IFIH1: variants seen among roughly 807,000 people sequenced by gnomAD.
The protein encoded by IFIH1 is interferon-induced helicase C domain-containing protein 1.
In IFIH1, 125 loss-of-function variants were observed where a neutral mutation model predicts 107.4. The observed-to-expected ratio is 1.16, with a 90% CI of 1.01 to 1.35. The LOEUF is 1.35. Among genes scored for constraint, IFIH1 ranks in the 40% most tolerant of loss-of-function variants. IFIH1 has a pLI of 0.00. For missense variants in IFIH1, 1,333 were observed against 1,213.7 expected (o/e 1.10, Z -1.46); for synonymous variants, 458 against 413.2 (o/e 1.11, Z -1.31).
intron 1 of IFIH1, among the ~76,000 whole-genome samples, chr2:162,313,094 T>A (rs1683408075): frequency 6.6e-6 from 1 of 152,212 alleles, no homozygotes; most frequent in South Asian, 2.1e-4. Flanking sequence ...TCTTACAATT[T>A]GAATGTGGAA....
intron 3 of IFIH1, among the ~76,000 whole-genome samples, chr2:162,298,768 A>C (rs573105937): frequency 6.6e-6 from 1 of 151,384 alleles, no homozygotes; most frequent in Non-Finnish European, 1.5e-5. Context: ...ATATGGATCT[A>C]CACACACACG....
At chr2:162,270,150 C>CA (rs1435434534) in intron 13 of IFIH1, among the ~76,000 whole-genome samples, 3 of 151,400 alleles carry the variant, frequency 2.0e-5, no homozygotes, top group South Asian at 2.1e-4. Context: ...GGTAAACAAA[C>CA]AAAAAAAAGA....
chr2:162,315,494 G>A (rs1303428099), intron 1 of IFIH1, among the ~76,000 whole-genome samples: 1 of 152,070 alleles, frequency 6.6e-6, no homozygotes, highest in East Asian at 1.9e-4. Flanking sequence ...CCAGATGAAT[G>A]GTTACAAAAG....
Position 162,293,638 on chromosome 2 carries a change from A to G in IFIH1, c.800T>C (p.Val267Ala). ...ESDTSLAEGS[V>A]SCLDESLGHN... The stretch of plus-strand genomic sequence containing the variant: ...TCCAAGACTTTCATCTAAGCAGCTG[A>G]CACTTCCTTCTGCCAAACTTGTGTC... The change falls in exon 4 of 16, where the codon GTC (valine) becomes GCC (alanine). Residue 267 changes from valine (V) to alanine (A), a missense_variant. Coordinates refer to ENST00000649979, the MANE Select transcript of IFIH1 (RefSeq NM_022168.4). The G allele has an allele frequency of 6.2e-7, 1 of 1,611,262 alleles. No individual in the cohort carries two copies. Among genetic ancestry groups the G allele is most frequent in the Admixed American group, 1.7e-5 (1 of 59,790 alleles).
intron 2 of IFIH1, 61 bp downstream of exon 2, chr2:162,310,704 T>G: frequency 7.1e-7 from 1 of 1,400,080 alleles, no homozygotes; most frequent in Non-Finnish European, 1.0e-6. Flanking sequence ...CTTTCTGCTT[T>G]ATTGAATTCT....
intron 1 of IFIH1, 64 bp downstream of exon 1, chr2:162,317,791 G>C: frequency 7.4e-7 from 1 of 1,349,148 alleles, no homozygotes; most frequent in Non-Finnish European, 1.0e-6. Flanking sequence ...AGGGGCAAAC[G>C]CACAAGGAAG....
chr2:162,307,355 G>A (rs1354550979), intron 2 of IFIH1, among the ~76,000 whole-genome samples: 1 of 152,176 alleles, frequency 6.6e-6, no homozygotes, highest in Non-Finnish European at 1.5e-5. Context: ...TGCAAATTTG[G>A]TAGTTTTCTT....
intron 3 of IFIH1, among the ~76,000 whole-genome samples, chr2:162,294,584 C>T (rs1683052267): frequency 6.6e-6 from 1 of 151,894 alleles, no homozygotes; most frequent in African/African-American, 2.4e-5. Context: ...TAAAGTGAGG[C>T]TAATCCCACT....
chr2:162,270,994 T>C (rs1035754818), intron 13 of IFIH1, among the ~76,000 whole-genome samples: 1 of 152,130 alleles, frequency 6.6e-6, no homozygotes, highest in African/African-American at 2.4e-5. Flanking sequence ...TTCACACCCA[T>C]ATGCAAGGGT....
At chr2:162,314,556 C>A (rs1250578302) in intron 1 of IFIH1, among the ~76,000 whole-genome samples, 1 of 147,960 alleles carries the variant, frequency 6.8e-6, no homozygotes, top group South Asian at 2.1e-4. Context: ...GGCGCCATCT[C>A]AGCTCACTGC....
intron 13 of IFIH1, among the ~76,000 whole-genome samples, chr2:162,270,608 A>C (rs1691017313): frequency 6.6e-6 from 1 of 152,180 alleles, no homozygotes; most frequent in Non-Finnish European, 1.5e-5. Flanking sequence ...TGGGGCACCC[A>C]AAGGGACAGA....
At chr2:162,271,038 A>G (rs1691025958) in intron 13 of IFIH1, among the ~76,000 whole-genome samples, 1 of 152,176 alleles carries the variant, frequency 6.6e-6, no homozygotes, top group Non-Finnish European at 1.5e-5. Flanking sequence ...GTTTGCTATT[A>G]TAGTAGTTAC....
rs1483611973 is a variant in IFIH1 at position 162,318,469 on chromosome 2, G to C, written c.-162C>G. ...AGGTTGTCCACAGGGCTCTCAGGCCGGCGCGCGGGGCTGCACTCGCACCTG... is the reference window on the plus strand; with the variant it reads ...AGGTTGTCCACAGGGCTCTCAGGCCCGCGCGCGGGGCTGCACTCGCACCTG... On this transcript the variant is annotated 5_prime_UTR_variant, in exon 1 of 16. Transcript: ENST00000649979. The C allele has an allele frequency of 1.1e-5, 7 of 618,366 alleles. No individual in the cohort carries two copies. In the East Asian group the frequency reaches 1.7e-4, roughly 15 times the overall value. 38.3% of individuals were successfully genotyped at this position (618,366 alleles called of 1,614,324 possible). A position where few individuals can be genotyped will look rare whatever the true frequency, so the allele number is the denominator to read the frequency against.
chr2:162,311,153 G>T (rs1392423313), intron 1 of IFIH1, among the ~76,000 whole-genome samples: 1 of 152,016 alleles, frequency 6.6e-6, no homozygotes, highest in Non-Finnish European at 1.5e-5. Context: ...AAAATCTCTG[G>T]ACCAAGTGTC....
chr2:162,313,627 C>A (rs974046425), intron 1 of IFIH1, among the ~76,000 whole-genome samples: 2 of 152,074 alleles, frequency 1.3e-5, no homozygotes, highest in Admixed American at 6.6e-5. Context: ...TTTATAATAA[C>A]CTTAGATAGC....
intron 1 of IFIH1, among the ~76,000 whole-genome samples, chr2:162,315,670 T>C (rs560567349): frequency 6.6e-6 from 1 of 152,346 alleles, no homozygotes; most frequent in African/African-American, 2.4e-5. Flanking sequence ...GTAACGCATA[T>C]AGTAAGAAGC....
At chr2:162,302,820 T>C (rs1278734315) in intron 3 of IFIH1, among the ~76,000 whole-genome samples, 1 of 152,204 alleles carries the variant, frequency 6.6e-6, no homozygotes, top group African/African-American at 2.4e-5. Context: ...AGTGACTCTT[T>C]GCTAGTGCTC....
intron 5 of IFIH1, among the ~76,000 whole-genome samples, chr2:162,284,699 T>G (rs1682869078): frequency 6.6e-6 from 1 of 151,386 alleles, no homozygotes; most frequent in African/African-American, 2.4e-5. Flanking sequence ...CTGTGTAGAT[T>G]TAATGAGATA....
chr2:162,280,354 T>G (rs1682783986), intron 7 of IFIH1, among the ~76,000 whole-genome samples: 1 of 152,072 alleles, frequency 6.6e-6, no homozygotes, highest in South Asian at 2.1e-4. Context: ...AAAAAGGAGC[T>G]TCTAAATCAA....
Sources: gnomAD v4.1 joint callset for allele counts (sites outside exome capture counted in the v4.1 genomes callset) on GRCh38, gnomAD v4.1.1 for gene constraint, MANE v1.5 for transcripts, NCBI Gene and HGNC (gene_info 2026-07-23, HGNC 2026-07-21) for gene names.